Variants in CTNNA3 observed in about 807,000 individuals in gnomAD.
CTNNA3 encodes catenin alpha 3.
Under a neutral mutation model 95.7 loss-of-function variants are expected in CTNNA3, and 76 were observed. The observed-to-expected ratio is 0.79, with a 90% confidence interval of 0.66 to 0.96. CTNNA3 has a LOEUF of 0.96. Ranked by LOEUF, CTNNA3 falls within the 40% of genes least tolerant of loss-of-function variation. CTNNA3 has a pLI of 0.00. For missense variants in CTNNA3, 1,191 were observed against 1,089.8 expected, an observed-to-expected ratio of 1.09 and a Z score of -1.31; for synonymous variants, 431 against 374.4, an observed-to-expected ratio of 1.15 and a Z score of -1.74.
Position 67,238,993 on chromosome 10 carries a change from G to A in CTNNA3, c.580-19123C>T, listed in dbSNP as rs1436419072. 4.6e-5 allele frequency among the ~76,000 whole-genome samples: 7 copies of A among 152,078 alleles called. No homozygotes were observed. In the East Asian group the frequency reaches 5.8e-4, roughly 13 times the overall value. ...AAAAGGAGATAGAAACTCCAGATAT[G>A]ATTACTCCAAGAAATAAAACATGGG... On this transcript the variant is annotated intron_variant, in intron 5 of 17. Coordinates refer to ENST00000433211, the MANE Select transcript of CTNNA3 (RefSeq NM_013266.4).
At chr10:67,564,084 G>A (rs1841652567) in intron 3 of CTNNA3, among the ~76,000 whole-genome samples, 3 of 149,762 alleles carry the variant, frequency 2.0e-5, no homozygotes, top group Admixed American at 2.0e-4. Flanking sequence ...AGACAGTGTG[G>A]CGATTCCTTA....
intron 10 of CTNNA3, among the ~76,000 whole-genome samples, chr10:66,614,381 T>C (rs1047275824): frequency 5.3e-5 from 8 of 152,088 alleles, no homozygotes; most frequent in African/African-American, 1.7e-4. Context: ...CTACTATGTG[T>C]CAAGCATTAT....
rs546203727 is a variant in CTNNA3 at position 66,456,146 on chromosome 10, C to CT, written c.1531+64470_1531+64471insA. On this transcript the variant is annotated intron_variant, in intron 11 of 17. Transcript: ENST00000433211. Reference sequence around the variant, plus strand: ...AATTTAGATTTATTGAAATTCCAAACAAAATCCCAGCAGAACTTTATAGAT... The same window carrying CT: ...AATTTAGATTTATTGAAATTCCAAACTAAAATCCCAGCAGAACTTTATAGAT... Among the ~76,000 whole-genome samples, 515 of 152,188 alleles carry CT rather than the reference C, an allele frequency of 3.4e-3. 1 individual carries two copies. The highest frequency in any genetic ancestry group is 0.01 in the African/African-American group (416 of 41,524).
chr10:66,028,603 G>C (rs374733455), intron 15 of CTNNA3, among the ~76,000 whole-genome samples: 1 of 150,196 alleles, frequency 6.7e-6, no homozygotes, highest in African/African-American at 2.4e-5. Flanking sequence ...TGTGGGGTGG[G>C]GGAAGGGGGG....
chr10:66,735,068 T>C (rs1849089315), intron 9 of CTNNA3, among the ~76,000 whole-genome samples: 1 of 151,646 alleles, frequency 6.6e-6, no homozygotes, highest in African/African-American at 2.4e-5. Context: ...TTATATATTA[T>C]TAAAGTAAGT....
At position 67,535,532 on chromosome 10, in the gene CTNNA3, G is replaced by A. The variant is rs146105094; in HGVS notation, c.459+3971C>T. 1.6e-4 allele frequency among the ~76,000 whole-genome samples: 24 copies of A among 152,226 alleles called. 1 individual carries two copies. In the East Asian group the frequency reaches 3.9e-3, roughly 24 times the overall value. ...AGTAGTTTGAGCTCAGAGAGTTGGA[G>A]GTTGTAATTGCTTTCAAAATCAATA... On this transcript the variant is annotated intron_variant, in intron 4 of 17. Coordinates refer to ENST00000433211, the MANE Select transcript of CTNNA3 (RefSeq NM_013266.4).
At chr10:66,455,070 T>G (rs4237309) in intron 11 of CTNNA3, among the ~76,000 whole-genome samples, 59,253 of 151,844 alleles carry the variant, frequency 0.39, 12,266 homozygotes, top group African/African-American at 0.53. Context: ...GTTCATTCAT[T>G]ATAGAAATTC....
chr10:67,720,605 C>T (rs1473423808), intron 1 of CTNNA3, among the ~76,000 whole-genome samples: 3 of 152,048 alleles, frequency 2.0e-5, no homozygotes, highest in African/African-American at 4.8e-5. Context: ...ATTTCTCCTT[C>T]GCTTATGAAG....
chr10:67,320,524 T>C (rs560384314), intron 5 of CTNNA3, among the ~76,000 whole-genome samples: 1 of 152,300 alleles, frequency 6.6e-6, no homozygotes, highest in South Asian at 2.1e-4. Context: ...ATATATTTAT[T>C]TTGGCAAGAA....
intron 12 of CTNNA3, among the ~76,000 whole-genome samples, chr10:66,359,725 A>G (rs1046737765): frequency 6.6e-6 from 1 of 152,080 alleles, no homozygotes; most frequent in African/African-American, 2.4e-5. Context: ...GTCTTTATTC[A>G]TTATTTGATA....
At position 67,535,290 on chromosome 10, in the gene CTNNA3, T is replaced by C. The variant is rs942737103; in HGVS notation, c.459+4213A>G. Among the ~76,000 whole-genome samples, 8 of 152,140 alleles carry C rather than the reference T, an allele frequency of 5.3e-5. 1 individual carries two copies. Among genetic ancestry groups the C allele is most frequent in the African/African-American group, 1.7e-4 (7 of 41,458 alleles). ...TGATTGGTATTATCTAAAAGAAAGA[T>C]ATAATACTGTTTTCCATGTCATTAA... is the stretch of plus-strand genomic sequence containing the variant. On this transcript the variant is annotated intron_variant, in intron 4 of 17. Coordinates refer to ENST00000433211, the MANE Select transcript of CTNNA3 (RefSeq NM_013266.4).
intron 5 of CTNNA3, among the ~76,000 whole-genome samples, chr10:67,473,876 A>G (rs1847917641): frequency 6.6e-6 from 1 of 152,172 alleles, no homozygotes; most frequent in African/African-American, 2.4e-5. Context: ...ATTTAAATCT[A>G]TTGGAACTTT....
chr10:65,973,153 G>A (rs1018561230), intron 16 of CTNNA3, among the ~76,000 whole-genome samples: 1 of 152,152 alleles, frequency 6.6e-6, no homozygotes, highest in South Asian at 2.1e-4. Context: ...GCCAAAGGCA[G>A]AAGAATTAAA....
chr10:67,567,429 C>G (rs1451398968), intron 3 of CTNNA3, among the ~76,000 whole-genome samples: 1 of 151,894 alleles, frequency 6.6e-6, no homozygotes, highest in East Asian at 1.9e-4. Context: ...ATAATGGAGA[C>G]TTGGAAGGGT....
At chr10:66,693,176 T>C (rs893360023) in intron 9 of CTNNA3, among the ~76,000 whole-genome samples, 2 of 151,998 alleles carry the variant, frequency 1.3e-5, no homozygotes, top group Non-Finnish European at 2.9e-5. Context: ...GCAAACTGGA[T>C]AAAGTCAAGA....
At chr10:67,442,925 C>T (rs12258914) in intron 5 of CTNNA3, among the ~76,000 whole-genome samples, 16,124 of 142,782 alleles carry the variant, frequency 0.11, 1,310 homozygotes, top group African/African-American at 0.22. Context: ...AGGTATATCT[C>T]CTAATGCTAT....
At position 66,295,231 on chromosome 10, in the gene CTNNA3, C is replaced by CT. The variant is rs35556103; in HGVS notation, c.1733-14611dup. Among the ~76,000 whole-genome samples the CT allele has an allele frequency of 2.5e-4, 38 of 152,066 alleles. No individual in the cohort carries two copies. The East Asian group carries it at 4.7e-3, about 19-fold the overall frequency. On this transcript the variant is annotated intron_variant, in intron 12 of 17. Coordinates refer to ENST00000433211, the MANE Select transcript of CTNNA3 (RefSeq NM_013266.4). Reference sequence around the variant, plus strand: ...AATAGAGACTTAACCTAAGACTTGTCTTTTTTTTAGAATTTGTTAATGAAA... The same window carrying CT: ...AATAGAGACTTAACCTAAGACTTGTCTTTTTTTTTAGAATTTGTTAATGAAA...
chr10:66,102,779 T>C (rs2133743393), intron 14 of CTNNA3, among the ~76,000 whole-genome samples: 1 of 152,090 alleles, frequency 6.6e-6, no homozygotes, highest in South Asian at 2.1e-4. Context: ...GAAAGAAAAG[T>C]AGATTATTGA....
intron 16 of CTNNA3, among the ~76,000 whole-genome samples, chr10:65,970,576 G>T (rs2078074007): frequency 6.6e-6 from 1 of 151,476 alleles, no homozygotes. Context: ...AAGGGTTGAA[G>T]AAATATCTAT....
Sources: gnomAD v4.1 joint callset for allele counts (sites outside exome capture counted in the v4.1 genomes callset) on GRCh38, gnomAD v4.1.1 for gene constraint, MANE v1.5 for transcripts, NCBI Gene and HGNC (gene_info 2026-07-23, HGNC 2026-07-21) for gene names.